The following KALRN variants were observed in gnomAD, a reference collection of about 807,000 sequenced individuals.
The protein encoded by KALRN is kalirin RhoGEF kinase, also known as kalirin.
In KALRN, 70 loss-of-function variants were observed where a neutral mutation model predicts 353.7. That is an observed-to-expected ratio of 0.20 (90% CI 0.16 to 0.24). The LOEUF is 0.24. Ranked by LOEUF, KALRN falls within the 10% of genes least tolerant of loss-of-function variation. KALRN has a pLI of 1.00. For synonymous variants in KALRN, 1,391 were observed against 1,434.8 expected (o/e 0.97, Z 0.69); for missense variants, 2,791 against 3,756.7 (o/e 0.74, Z 6.72).
At chr3:124,219,072 A>G (rs888264162) in intron 1 of KALRN, among the ~76,000 whole-genome samples, 2 of 152,202 alleles carry the variant, frequency 1.3e-5, no homozygotes, top group South Asian at 4.1e-4. Context: ...GGAGGAAGAG[A>G]CATGGCAGTT....
chr3:124,710,576 C>T lies in KALRN; in HGVS notation c.8076-2359C>T, dbSNP rs1394370719. Among the ~76,000 whole-genome samples, 10 of 152,268 alleles carry T rather than the reference C, an allele frequency of 6.6e-5. No homozygotes were observed. The South Asian group carries it at 8.3e-4, about 13-fold the overall frequency. On this transcript the variant is annotated intron_variant, in intron 57 of 59. Transcript: ENST00000682506. ...CAAGGTGGGCGGATCGCTTTGAGCT[C>T]AGGAATTCAAGACCAGCCTCGGCAA... is the stretch of plus-strand genomic sequence containing the variant.
chr3:124,547,197 A>G (rs957613527), intron 33 of KALRN, among the ~76,000 whole-genome samples: 82 of 152,250 alleles, frequency 5.4e-4, no homozygotes, highest in African/African-American at 1.9e-3. Context: ...CAAGGATCTC[A>G]CTGTGTTGCC....
intron 1 of KALRN, among the ~76,000 whole-genome samples, chr3:124,138,855 G>A (rs1219097528): frequency 2.0e-5 from 3 of 152,158 alleles, no homozygotes; most frequent in Non-Finnish European, 4.4e-5. Flanking sequence ...TCATCTCCAT[G>A]ACACTTCTGC....
At chr3:124,249,364 A>G (rs890168047) in intron 3 of KALRN, among the ~76,000 whole-genome samples, 2 of 152,238 alleles carry the variant, frequency 1.3e-5, no homozygotes, top group Non-Finnish European at 2.9e-5. Context: ...GTAATCAGAC[A>G]TAATTTACTG....
At chr3:124,618,086 CTTTTTTTTTTTTTTTTTTTTTTTTTTTT>C (rs71145464) in intron 34 of KALRN, among the ~76,000 whole-genome samples, 2 of 63,336 alleles carry the variant, frequency 3.2e-5, no homozygotes, top group Admixed American at 4.5e-4. Flanking sequence ...GTGCAGAAAT[CTTTTTTTTTTTTTTTTTTTTTTTTTTTT>C]TTTTTTTTTT....
At chr3:124,543,097 G>C (rs978365045) in intron 33 of KALRN, among the ~76,000 whole-genome samples, 1 of 152,150 alleles carries the variant, frequency 6.6e-6, no homozygotes, top group Non-Finnish European at 1.5e-5. Flanking sequence ...ACGGTGGCTG[G>C]CTTCCCCCGG....
At chr3:124,368,170 ACG>A (rs2085229424) in intron 10 of KALRN, among the ~76,000 whole-genome samples, 13 of 56,570 alleles carry the variant, frequency 2.3e-4, no homozygotes, top group Admixed American at 2.2e-3. Flanking sequence ...CCCGGACAGC[ACG>A]GCTGGCCGGG....
At chr3:124,638,747 T>A (rs1245486463) in intron 37 of KALRN, among the ~76,000 whole-genome samples, 2 of 126,898 alleles carry the variant, frequency 1.6e-5, no homozygotes, top group Non-Finnish European at 3.5e-5. Context: ...ACATAAGCAG[T>A]GGTCTCCAAT....
intron 15 of KALRN, among the ~76,000 whole-genome samples, chr3:124,428,795 A>G (rs2093145375): frequency 1.3e-5 from 2 of 152,206 alleles, no homozygotes; most frequent in Admixed American, 1.3e-4. Context: ...TAGGGATCCC[A>G]CCACCATAGC....
intron 34 of KALRN, among the ~76,000 whole-genome samples, chr3:124,625,574 A>C (rs1452285680): frequency 6.6e-6 from 1 of 152,164 alleles, no homozygotes; most frequent in South Asian, 2.1e-4. Flanking sequence ...CCAAAAAAAA[A>C]AAAGTACTGG....
At chr3:124,093,640 G>C (rs1315879012) in intron 1 of KALRN, among the ~76,000 whole-genome samples, 1 of 152,196 alleles carries the variant, frequency 6.6e-6, no homozygotes, top group East Asian at 1.9e-4. Flanking sequence ...AGATGCCCTT[G>C]CATGTTCATT....
At chr3:124,410,228 T>C in intron 13 of KALRN, 2 of 533,254 alleles carry the variant, frequency 3.8e-6, no homozygotes, top group Non-Finnish European at 7.7e-6. Flanking sequence ...CACCTTCCAC[T>C]CCATAGATTC....
intron 57 of KALRN, among the ~76,000 whole-genome samples, chr3:124,707,394 T>TTTCGTTCCTTCCTTCC (rs2062676195): frequency 7.1e-6 from 1 of 140,714 alleles, no homozygotes; most frequent in Non-Finnish European, 1.5e-5. Context: ...AGAATAGCAG[T>TTTCGTTCCTTCCTTCC]TTCCTTCCTT....
chr3:124,717,055 A>G (rs901661970), intron 58 of KALRN, among the ~76,000 whole-genome samples, 192 bp from the exon 59 acceptor site: 5 of 152,204 alleles, frequency 3.3e-5, no homozygotes, highest in African/African-American at 1.2e-4. Flanking sequence ...ATATTTGTAA[A>G]TATATTTATT....
chr3:124,646,391 C>CTTTTTTTTTT lies in KALRN; in HGVS notation c.5665-4409_5665-4400dup, dbSNP rs10673161. Among the ~76,000 whole-genome samples, 23 of 110,450 alleles carry CTTTTTTTTTT rather than the reference C, an allele frequency of 2.1e-4. 3 individuals are homozygous for CTTTTTTTTTT. In the East Asian group the frequency reaches 5.6e-3, roughly 27 times the overall value. 72.5% of individuals were successfully genotyped at this position (110,450 alleles called of 152,430 possible). ...GACTGCTAGAGGGATCTTTTGTTTACTTTTTTTTTTTTTTTTTGAGACAGA... is the reference window on the plus strand; with the variant it reads ...GACTGCTAGAGGGATCTTTTGTTTACTTTTTTTTTTTTTTTTTTTTTTTTTTTGAGACAGA... On this transcript the variant is annotated intron_variant, in intron 37 of 59. Coordinates refer to ENST00000682506, the MANE Select transcript of KALRN (RefSeq NM_001388419.1).
rs2150691712 is a variant in KALRN at position 124,702,055 on chromosome 3, G to A, written c.8014G>A (p.Ala2672Thr). Reference sequence around the variant, plus strand: ...TTCCGAAGATGCTGCTGCTGATGGTGCCACCATTTCTTGGAAGGAAAATTT... The same window carrying A: ...TTCCGAAGATGCTGCTGCTGATGGTACCACCATTTCTTGGAAGGAAAATTT... ...LPEYDAAADG[A>T]TISWKENFDS... The change falls in exon 57 of 60, where the codon GCC becomes ACC. Residue 2672 changes from alanine to threonine, a missense_variant. Coordinates refer to ENST00000682506, the MANE Select transcript of KALRN (RefSeq NM_001388419.1). The A allele has an allele frequency of 1.2e-6, 2 of 1,613,472 alleles. No individual in the cohort carries two copies. The highest frequency in any genetic ancestry group is 1.7e-6 in the Non-Finnish European group (2 of 1,179,638).
intron 33 of KALRN, among the ~76,000 whole-genome samples, chr3:124,554,958 C>A (rs1316533446): frequency 6.6e-6 from 1 of 152,134 alleles, no homozygotes; most frequent in African/African-American, 2.4e-5. Flanking sequence ...TTCTGGGATC[C>A]AAGAGGGACA....
chr3:124,700,067 G>GT, intron 56 of KALRN, 34 bp downstream of exon 56: 1 of 1,608,890 alleles, frequency 6.2e-7, no homozygotes, highest in South Asian at 1.1e-5. Context: ...CCCCCAGGCA[G>GT]TGGGATTGAG....
chr3:124,372,215 A>G (rs1409617942), intron 10 of KALRN, among the ~76,000 whole-genome samples: 1 of 152,178 alleles, frequency 6.6e-6, no homozygotes, highest in Non-Finnish European at 1.5e-5. Flanking sequence ...CCCTGCATAT[A>G]ATTTTTATAT....
Sources: gnomAD v4.1 joint callset for allele counts (sites outside exome capture counted in the v4.1 genomes callset) on GRCh38, gnomAD v4.1.1 for gene constraint, MANE v1.5 for transcripts, NCBI Gene and HGNC (gene_info 2026-07-23, HGNC 2026-07-21) for gene names.